The following KLHDC4 variants were observed in gnomAD, a reference collection of about 807,000 sequenced individuals.
KLHDC4 encodes the protein kelch domain containing 4, also known as kelch domain-containing protein 4.
A neutral mutation model predicts 62.4 loss-of-function variants in KLHDC4; 90 were observed. That is an observed-to-expected ratio of 1.44 (90% confidence interval 1.22 to 1.72). The LOEUF (loss-of-function observed/expected upper bound fraction) is 1.72. Among genes scored for constraint, KLHDC4 ranks in the 40% most tolerant of loss-of-function variants. The pLI is 0.00. For synonymous variants in KLHDC4, 386 were observed against 284.4 expected (o/e 1.36, Z -3.59); for missense variants, 1,025 against 699.7 (o/e 1.47, Z -5.25).
chr16:87,709,346 G>C lies in KLHDC4; in HGVS notation c.1366C>G (p.Arg456Gly). 1 of 1,613,410 alleles carries C rather than the reference G, an allele frequency of 6.2e-7. No individual in the cohort carries two copies. The highest frequency in any genetic ancestry group is 8.5e-7 in the Non-Finnish European group (1 of 1,179,958). ...VYGGMFEAGDRQVTLSDLHCL... is the reference protein window; with the variant it reads ...VYGGMFEAGDGQVTLSDLHCL... ...TGCAGGTCGCTGAGGGTGACCTGGC[G>C]GTCGCCGGCCTCAAACATGCCCCCA... Residue 456 changes from arginine (R) to glycine (G), a missense_variant, in exon 10 of 12, where the codon CGC becomes GGC. Coordinates refer to ENST00000270583, the MANE Select transcript of KLHDC4 (RefSeq NM_017566.4).
At chr16:87,752,483 C>T (rs1156880151) in intron 4 of KLHDC4, among the ~76,000 whole-genome samples, 7 of 151,800 alleles carry the variant, frequency 4.6e-5, no homozygotes, top group South Asian at 4.2e-4. Context: ...ATTACAGGCA[C>T]GCGCCACGAC....
chr16:87,727,763 G>C (rs950588337), intron 6 of KLHDC4, among the ~76,000 whole-genome samples: 1 of 152,158 alleles, frequency 6.6e-6, no homozygotes, highest in Non-Finnish European at 1.5e-5. Context: ...ATTTTTTAAG[G>C]AAAGCATGGA....
intron 2 of KLHDC4, among the ~76,000 whole-genome samples, chr16:87,757,817 G>A (rs553556128): frequency 3.2e-4 from 49 of 152,212 alleles, no homozygotes; most frequent in South Asian, 8.3e-4. Context: ...ACTTGAACCC[G>A]GGAGGCAGAG....
chr16:87,737,933 G>A (rs989691832), intron 5 of KLHDC4, among the ~76,000 whole-genome samples: 1 of 152,124 alleles, frequency 6.6e-6, no homozygotes, highest in Non-Finnish European at 1.5e-5. Context: ...CGTCCTATCA[G>A]AGATAGAAAC....
downstream of KLHDC4, among the ~76,000 whole-genome samples, chr16:87,704,813 T>C (rs1446072764): frequency 2.6e-5 from 4 of 151,908 alleles, no homozygotes; most frequent in Non-Finnish European, 5.9e-5. Flanking sequence ...CAATGGGTGG[T>C]TCCCTTGATG....
In KLHDC4 at chr16:87,711,087, C is replaced by G. The variant is rs1597386584; in HGVS notation, c.1044+148G>C. 6 of 690,950 alleles carry G rather than the reference C, an allele frequency of 8.7e-6. No individual in the cohort carries two copies. The South Asian group carries it at 1.1e-4, about 13-fold the overall frequency. 42.8% of individuals were successfully genotyped at this position (690,950 alleles called of 1,614,324 possible). On this transcript the variant is annotated intron_variant, in intron 9 of 11. Coordinates refer to ENST00000270583, the MANE Select transcript of KLHDC4 (RefSeq NM_017566.4). ...GCTCTCCAAGCCTAGTCACCCAGGA[C>G]AGTCAGAGACGGAACCCTCGCCCCT...
chr16:87,744,989 G>GCA lies in KLHDC4; in HGVS notation c.506+3683_506+3684insTG, dbSNP rs10625440. Among the ~76,000 whole-genome samples, 43 of 21,226 alleles carry GCA rather than the reference G, an allele frequency of 2.0e-3. No homozygotes were observed. The African/African-American group carries it at 0.02, about 10-fold the overall frequency. 13.9% of individuals were successfully genotyped at this position (21,226 alleles called of 152,430 possible). ...CACATGCAATCATCTGCACACACGC[G>GCA]GTGCACACACGTGTACACATGCAGG... On this transcript the variant is annotated intron_variant, in intron 5 of 11. Transcript: ENST00000270583.
In KLHDC4 at chr16:87,714,550, C is replaced by A. The variant is rs1451180244; in HGVS notation, c.783G>T (p.Lys261Asn). 6.2e-7 allele frequency: 1 copy of A among 1,614,076 alleles called. No homozygotes were observed. The highest frequency in any genetic ancestry group is 1.3e-5 in the African/African-American group (1 of 74,932). Residue 261 changes from lysine (K) to asparagine (N), a missense_variant, in exon 8 of 12, where the codon AAG becomes AAT. Transcript: ENST00000270583. ...GGAACATGTCTGAGTGCCGTGTGCC[C>A]TTGTCCACGTCTTTCTTAACTCTCT... ...SKQRVKKDVD[K>N]GTRHSDMFLL...
In KLHDC4 at chr16:87,734,401, G is replaced by A. The variant is rs116666004; in HGVS notation, c.507-3757C>T. Among the ~76,000 whole-genome samples the A allele has an allele frequency of 1.5e-3, 234 of 152,252 alleles. 1 individual carries two copies. Among genetic ancestry groups the A allele is most frequent in the African/African-American group, 5.5e-3 (230 of 41,540 alleles). On this transcript the variant is annotated intron_variant, in intron 5 of 11. Transcript: ENST00000270583. Reference sequence around the variant, plus strand: ...GAATCTCAAACGTAAAAGGAAGCTTGAGTGATCTAATCCAAGTTTACTGAA... The same window carrying A: ...GAATCTCAAACGTAAAAGGAAGCTTAAGTGATCTAATCCAAGTTTACTGAA...
At chr16:87,730,006 T>C (rs2040058867) in intron 6 of KLHDC4, among the ~76,000 whole-genome samples, 1 of 152,286 alleles carries the variant, frequency 6.6e-6, no homozygotes, top group South Asian at 2.1e-4. Context: ...CAGGCTGGAG[T>C]TCAGTGGCAT....
chr16:87,705,649 T>G (rs1398054493), downstream of KLHDC4, among the ~76,000 whole-genome samples: 1 of 152,226 alleles, frequency 6.6e-6, no homozygotes, highest in African/African-American at 2.4e-5. Context: ...AGAAAAACTG[T>G]CTCTCATAAC....
rs200615835 is a variant in KLHDC4, at chr16:87,709,248, C to A, written c.1447+17G>T. The A allele has an allele frequency of 1.9e-6, 3 of 1,598,728 alleles. 1 individual carries two copies. In the Middle Eastern group the frequency reaches 5.0e-4, roughly 266 times the overall value. On this transcript the variant is annotated intron_variant, in intron 10 of 11. Coordinates refer to ENST00000270583, the MANE Select transcript of KLHDC4 (RefSeq NM_017566.4). Reference sequence around the variant, plus strand: ...CTCTCGCTCCCGGGCACGGAGGCACCAAGCTGCCTGGCTCACCTGGGTCCA... The same window carrying A: ...CTCTCGCTCCCGGGCACGGAGGCACAAAGCTGCCTGGCTCACCTGGGTCCA...
intron 7 of KLHDC4, among the ~76,000 whole-genome samples, chr16:87,721,031 A>G (rs2038198995): frequency 6.6e-6 from 1 of 152,086 alleles, no homozygotes. Context: ...ATCCGAGACC[A>G]CCTTCTTAAC....
downstream of KLHDC4, among the ~76,000 whole-genome samples, chr16:87,707,287 C>T (rs889681872): frequency 5.3e-5 from 8 of 152,222 alleles, no homozygotes; most frequent in Admixed American, 1.3e-4. Flanking sequence ...CATGTGGGGA[C>T]GTTGGGAGCC....
intron 5 of KLHDC4, among the ~76,000 whole-genome samples, chr16:87,733,904 G>A (rs1352541349): frequency 6.6e-6 from 1 of 152,256 alleles, no homozygotes; most frequent in East Asian, 1.9e-4. Context: ...GGGCTGCAAA[G>A]GATGGTTACA....
At chr16:87,711,065 C>G (rs1395389086) in intron 9 of KLHDC4, 170 bp downstream of exon 9, 6 of 640,946 alleles carry the variant, frequency 9.4e-6, no homozygotes, top group Non-Finnish European at 1.6e-5. Flanking sequence ...ACCAAGGGCT[C>G]TCCAAGCCTA....
chr16:87,709,698 C>A (rs751198427), intron 9 of KLHDC4, 31 bp from the exon 10 acceptor site: 3 of 1,538,268 alleles, frequency 2.0e-6, no homozygotes, highest in Non-Finnish European at 2.6e-6. Context: ...CAGAGAGCAG[C>A]AGCTTCAGCG....
chr16:87,732,590 C>T (rs1302056071), intron 5 of KLHDC4, among the ~76,000 whole-genome samples: 1 of 152,182 alleles, frequency 6.6e-6, no homozygotes, highest in African/African-American at 2.4e-5. Context: ...TAAATAACTA[C>T]AATCAACCTC....
At chr16:87,707,612 T>C (rs2034907595), downstream of KLHDC4, among the ~76,000 whole-genome samples, 1 of 152,186 alleles carries the variant, frequency 6.6e-6, no homozygotes, top group Admixed American at 6.5e-5. Context: ...CTTCTGGTTT[T>C]GCAGAAGGAA....
Sources: gnomAD v4.1 joint callset for allele counts (sites outside exome capture counted in the v4.1 genomes callset) on GRCh38, gnomAD v4.1.1 for gene constraint, MANE v1.5 for transcripts, NCBI Gene and HGNC (gene_info 2026-07-23, HGNC 2026-07-21) for gene names.